Variants in TRIB2 observed in about 807,000 individuals in gnomAD.
TRIB2 encodes the protein tribbles pseudokinase 2, also known as tribbles homolog 2.
A neutral mutation model predicts 26.8 loss-of-function variants in TRIB2; 2 were observed. The ratio of observed to expected loss-of-function variants is 0.07; its 90% CI spans 0.03 to 0.24. The LOEUF is 0.24. Ranked by LOEUF, TRIB2 falls within the 10% of genes least tolerant of loss-of-function variation. The pLI is 1.00. For missense variants in TRIB2, 306 were observed against 449.0 expected, an observed-to-expected ratio of 0.68 and a Z score of 2.88; for synonymous variants, 189 against 187.3, an observed-to-expected ratio of 1.01 and a Z score of -0.08.
At chr2:12,739,190 G>A (rs1039103568) in intron 2 of TRIB2, among the ~76,000 whole-genome samples, 1 of 152,180 alleles carries the variant, frequency 6.6e-6, no homozygotes, top group Non-Finnish European at 1.5e-5. Flanking sequence ...CCTGGTCAAG[G>A]ACAAGGCCTT....
At chr2:12,721,633 G>A (rs1464959000) in intron 1 of TRIB2, among the ~76,000 whole-genome samples, 1 of 152,182 alleles carries the variant, frequency 6.6e-6, no homozygotes. Flanking sequence ...GTGATTTGTG[G>A]TCTCTGGAGA....
intron 2 of TRIB2, among the ~76,000 whole-genome samples, chr2:12,737,872 T>G (rs1661617641): frequency 6.6e-6 from 1 of 152,178 alleles, no homozygotes; most frequent in Admixed American, 6.5e-5. Flanking sequence ...TTTAAAGACT[T>G]CCTTGTCTAG....
intron 2 of TRIB2, among the ~76,000 whole-genome samples, chr2:12,727,281 A>T (rs529232917): frequency 6.6e-6 from 1 of 152,104 alleles, no homozygotes; most frequent in Non-Finnish European, 1.5e-5. Flanking sequence ...GCAGGCACTC[A>T]TGAAGGGACA....
chr2:12,718,615 G>A lies in TRIB2; in HGVS notation c.270+38G>A, dbSNP rs1287987240. On this transcript the variant is annotated intron_variant, in intron 1 of 2. Transcript: ENST00000155926. The surrounding 1 kb of genome is among the most constrained non-coding windows in gnomAD (Gnocchi z 4.0). Reference sequence around the variant, plus strand: ...TGGGTTGCTTTTTGTCTTTGGAAGGGGCCCGAGGGAGCGGGAGGGCGCCAG... The same window carrying A: ...TGGGTTGCTTTTTGTCTTTGGAAGGAGCCCGAGGGAGCGGGAGGGCGCCAG... 6.3e-7 allele frequency: 1 copy of A among 1,596,336 alleles called. No homozygotes were observed. Among genetic ancestry groups the A allele is most frequent in the East Asian group, 2.2e-5 (1 of 44,452 alleles).
Position 12,740,399 on chromosome 2 carries a change from C to G in TRIB2, c.637C>G (p.His213Asp). The G allele has an allele frequency of 1.2e-5, 19 of 1,614,206 alleles. No individual in the cohort carries two copies. Among genetic ancestry groups the G allele is most frequent in the Non-Finnish European group, 1.5e-5 (18 of 1,180,046 alleles). Residue 213 changes from histidine (H) to aspartate (D), a missense_variant, in exon 3 of 3, where the codon CAT becomes GAT. Around this residue, in one of 4 missense-constraint regions of TRIB2, gnomAD observed 118 missense variants for 188.8 expected, o/e 0.63. Coordinates refer to ENST00000155926, the MANE Select transcript of TRIB2 (RefSeq NM_021643.4). The surrounding 1 kb of genome is among the most constrained non-coding windows in gnomAD (Gnocchi z 5.8). The part of the protein sequence containing the change: ...RGDDDSLSDK[H>D]GCPAYVSPEI... ...AGATGATGATTCCCTCTCCGACAAG[C>G]ATGGCTGCCCGGCTTACGTAAGCCC...
intron 1 of TRIB2, among the ~76,000 whole-genome samples, chr2:12,722,769 G>A (rs1306017067): frequency 6.6e-6 from 1 of 152,126 alleles, no homozygotes; most frequent in East Asian, 1.9e-4. Context: ...CTGGGCAAAA[G>A]CTAGCTGTTT....
At chr2:12,721,950 G>A (rs1248181138) in intron 1 of TRIB2, among the ~76,000 whole-genome samples, 1 of 152,188 alleles carries the variant, frequency 6.6e-6, no homozygotes, top group Non-Finnish European at 1.5e-5. Flanking sequence ...AACGGGCATT[G>A]TCAGCTAAGA....
At position 12,718,472 on chromosome 2, in the gene TRIB2, G is replaced by C; in HGVS notation, c.165G>C (p.Ser55=). The change falls in exon 1 of 3, where the codon TCG becomes TCC. Residue 55 remains serine (S), a synonymous_variant. Transcript: ENST00000155926. The surrounding 1 kb of genome is among the most constrained non-coding windows in gnomAD (Gnocchi z 4.0). ...SPSPPETPNL[S]HCVSCIGKYL... ...GCCCGCCCGAGACTCCGAACTTGTC[G>C]CATTGCGTTTCTTGTATCGGGAAAT... The C allele has an allele frequency of 6.2e-7, 1 of 1,614,228 alleles. No individual in the cohort carries two copies. Among genetic ancestry groups the C allele is most frequent in the Non-Finnish European group, 8.5e-7 (1 of 1,180,040 alleles).
rs1000000040 is a variant in TRIB2, at chr2:12,732,231, A to C, written c.564-8095A>C. Among the ~76,000 whole-genome samples, 1 of 152,104 alleles carries C rather than the reference A, an allele frequency of 6.6e-6. No homozygotes were observed. The highest frequency in any genetic ancestry group is 2.4e-5 in the African/African-American group (1 of 41,402). On this transcript the variant is annotated intron_variant, in intron 2 of 2. Coordinates refer to ENST00000155926, the MANE Select transcript of TRIB2 (RefSeq NM_021643.4). This position sits in a 1 kb window ranked among gnomAD's most constrained non-coding sequence, Gnocchi z 4.2. ...GAGTCGGGCAGGAATGTGCACCTGCATGCGGACAGGGCAGGGATTCCGTCG... is the reference window on the plus strand; with the variant it reads ...GAGTCGGGCAGGAATGTGCACCTGCCTGCGGACAGGGCAGGGATTCCGTCG...
Position 12,740,532 on chromosome 2 carries a change from T to C in TRIB2, c.770T>C (p.Ile257Thr), listed in dbSNP as rs1181827098. The C allele has an allele frequency of 1.9e-6, 3 of 1,614,130 alleles. No homozygotes were observed. Among genetic ancestry groups the C allele is most frequent in the South Asian group, 1.1e-5 (1 of 91,082 alleles). Residue 257 changes from isoleucine to threonine, a missense_variant, in exon 3 of 3, where the codon ATT becomes ACT. Ile to Thr is a moderately conservative substitution (Grantham distance 89, BLOSUM62 -1). This residue lies in a region of TRIB2 where 11 missense variants were observed against 48.7 expected (regional missense o/e 0.23). Transcript: ENST00000155926. This position sits in a 1 kb window ranked among gnomAD's most constrained non-coding sequence, Gnocchi z 5.8. The part of the protein sequence containing the change: ...MLVGRYPFHD[I>T]EPSSLFSKIR... ...GTGGGGCGGTACCCTTTCCATGACATTGAACCCAGCTCCCTCTTCAGCAAG... is the reference window on the plus strand; with the variant it reads ...GTGGGGCGGTACCCTTTCCATGACACTGAACCCAGCTCCCTCTTCAGCAAG...
At position 12,723,332 on chromosome 2, in the gene TRIB2, C is replaced by G; in HGVS notation, c.343C>G (p.Gln115Glu). 1.2e-6 allele frequency: 2 copies of G among 1,614,232 alleles called. No individual in the cohort carries two copies. Among genetic ancestry groups the G allele is most frequent in the Non-Finnish European group, 1.7e-6 (2 of 1,180,050 alleles). The change falls in exon 2 of 3, where the codon CAA becomes GAA. Residue 115 changes from glutamine (Q) to glutamate (E), a missense_variant. Coordinates refer to ENST00000155926, the MANE Select transcript of TRIB2 (RefSeq NM_021643.4). ...FCLSAHSNIN[Q>E]ITEIILGETK... is the part of the protein sequence containing the mutation. ...CCTGTCTGCTCATAGTAACATCAAC[C>G]AAATCACTGAAATTATCCTGGGTGA...
chr2:12,741,085 T>G lies in TRIB2; in HGVS notation c.*291T>G. The G allele has an allele frequency of 2.8e-6, 1 of 355,380 alleles. No individual in the cohort carries two copies. The highest frequency in any genetic ancestry group is 5.1e-6 in the Non-Finnish European group (1 of 194,330). 22.0% of individuals were successfully genotyped at this position (355,380 alleles called of 1,614,324 possible). A position where few individuals can be genotyped will look rare whatever the true frequency, so the allele number is the denominator to read the frequency against. On this transcript the variant is annotated 3_prime_UTR_variant, in exon 3 of 3. Transcript: ENST00000155926. The stretch of plus-strand genomic sequence containing the variant: ...CTTGGGCCACTTCCGCCTACCCCAC[T>G]TTTCATTTTGTTCCAAAATAGTTGC...
intron 2 of TRIB2, among the ~76,000 whole-genome samples, chr2:12,739,039 G>A (rs1661649425): frequency 6.6e-6 from 1 of 152,102 alleles, no homozygotes; most frequent in Admixed American, 6.5e-5. Context: ...GGGAAAGACT[G>A]GGGGTAGGAT....
chr2:12,725,226 G>C (rs950724290), intron 2 of TRIB2, among the ~76,000 whole-genome samples: 2 of 152,236 alleles, frequency 1.3e-5, no homozygotes, highest in Non-Finnish European at 2.9e-5. Context: ...TCCATAGGGA[G>C]GAACTCTCGG....
Position 12,740,176 on chromosome 2 carries a change from T to C in TRIB2, c.564-150T>C, listed in dbSNP as rs1049525745. On this transcript the variant is annotated intron_variant, in intron 2 of 2. Transcript: ENST00000155926. The surrounding 1 kb of genome is among the most constrained non-coding windows in gnomAD (Gnocchi z 5.8). ...TAGCTGGCAGCTAGAAGGTGCTCAG[T>C]GAGTAATGTTTGGCTGGTCAGATGA... 1 of 773,728 alleles carries C rather than the reference T, an allele frequency of 1.3e-6. No individual in the cohort carries two copies. The highest frequency in any genetic ancestry group is 2.0e-6 in the Non-Finnish European group (1 of 487,828). 47.9% of individuals were successfully genotyped at this position (773,728 alleles called of 1,614,324 possible).
At position 12,718,249 on chromosome 2, in the gene TRIB2, C is replaced by A; in HGVS notation, c.-59C>A. 1 of 1,572,360 alleles carries A rather than the reference C, an allele frequency of 6.4e-7. No homozygotes were observed. The highest frequency in any genetic ancestry group is 8.6e-7 in the Non-Finnish European group (1 of 1,158,948). On this transcript the variant is annotated 5_prime_UTR_variant, in exon 1 of 3. Transcript: ENST00000155926. The surrounding 1 kb of genome is among the most constrained non-coding windows in gnomAD (Gnocchi z 4.0). ...ACCGAGGCGCCTGCAGCCGCACTCG[C>A]CAGCGACTCATCTCTCCAGCGGGTT... is the stretch of plus-strand genomic sequence containing the variant.
chr2:12,740,087 C>T lies in TRIB2; in HGVS notation c.564-239C>T, dbSNP rs549657988. ...AGGTTTGAGCTCCCCAGTGGATTAT[C>T]AGCTGCATGAAAAGACCTTGTCAGT... is the stretch of plus-strand genomic sequence containing the variant. On this transcript the variant is annotated intron_variant, in intron 2 of 2. Coordinates refer to ENST00000155926, the MANE Select transcript of TRIB2 (RefSeq NM_021643.4). This position sits in a 1 kb window ranked among gnomAD's most constrained non-coding sequence, Gnocchi z 5.8. 5.3e-5 allele frequency among the ~76,000 whole-genome samples: 8 copies of T among 152,314 alleles called. No individual in the cohort carries two copies. The highest frequency in any genetic ancestry group is 1.9e-4 in the African/African-American group (8 of 41,562).
At chr2:12,737,831 T>C (rs1048086496) in intron 2 of TRIB2, among the ~76,000 whole-genome samples, 4 of 152,216 alleles carry the variant, frequency 2.6e-5, no homozygotes, top group African/African-American at 9.6e-5. Flanking sequence ...GTACATGTTA[T>C]GTTGTGTCTA....
rs1450023001 is a variant in TRIB2 at position 12,732,174 on chromosome 2, G to A, written c.564-8152G>A. On this transcript the variant is annotated intron_variant, in intron 2 of 2. Transcript: ENST00000155926. The surrounding 1 kb of genome is among the most constrained non-coding windows in gnomAD (Gnocchi z 4.2). ...GTGGGAAGGTGTTCGGGTACAATGA[G>A]ACTCCCCTGTTCATCCAGGCACCAT... 1.3e-5 allele frequency among the ~76,000 whole-genome samples: 2 copies of A among 152,124 alleles called. No individual in the cohort carries two copies. The highest frequency in any genetic ancestry group is 2.9e-5 in the Non-Finnish European group (2 of 68,032).
Sources: allele counts gnomAD v4.1 joint callset (sites outside exome capture counted in the v4.1 genomes callset), GRCh38; gene constraint gnomAD v4.1.1; regional missense constraint gnomAD v4.1.1; non-coding constraint Gnocchi (gnomAD v3.1); transcripts MANE v1.5; gene names NCBI Gene and HGNC (gene_info 2026-07-23, HGNC 2026-07-21).